The following TMC1 variants were observed in gnomAD, a reference collection of about 807,000 sequenced individuals.
The protein encoded by TMC1 is transmembrane channel like 1.
Under a neutral mutation model 105.8 loss-of-function variants are expected in TMC1, and 84 were observed. The ratio of observed to expected loss-of-function variants is 0.79; its 90% CI spans 0.67 to 0.95. The LOEUF (loss-of-function observed/expected upper bound fraction) is 0.95, where lower values mean the gene tolerates loss of function less well. Ranked by LOEUF, TMC1 falls within the 40% of genes least tolerant of loss-of-function variation. The pLI is 0.00. For missense variants in TMC1, 817 were observed against 914.1 expected, an observed-to-expected ratio of 0.89 and a Z score of 1.37; for synonymous variants, 315 against 311.5, an observed-to-expected ratio of 1.01 and a Z score of -0.12.
intron 6 of TMC1, among the ~76,000 whole-genome samples, chr9:72,690,651 A>C (rs1488762231): frequency 6.6e-6 from 1 of 152,086 alleles, no homozygotes; most frequent in African/African-American, 2.4e-5. Flanking sequence ...ATATCATCCT[A>C]CTTTCTTCTG....
At chr9:72,636,443 T>C (rs1825535283) in intron 4 of TMC1, among the ~76,000 whole-genome samples, 1 of 152,178 alleles carries the variant, frequency 6.6e-6, no homozygotes, top group African/African-American at 2.4e-5. Flanking sequence ...ATGCCTGTTA[T>C]CTCAGCACTT....
intron 1 of TMC1, among the ~76,000 whole-genome samples, chr9:72,552,215 C>T (rs1050789309): frequency 6.6e-6 from 1 of 152,090 alleles, no homozygotes; most frequent in African/African-American, 2.4e-5. Context: ...GTGATCTTGG[C>T]CTATTTACTT....
intron 11 of TMC1, among the ~76,000 whole-genome samples, chr9:72,752,596 G>A (rs986145833): frequency 6.6e-6 from 1 of 152,128 alleles, no homozygotes; most frequent in Admixed American, 6.5e-5. Flanking sequence ...AGGGTCAGCT[G>A]AGGCCAAAAA....
intron 4 of TMC1, among the ~76,000 whole-genome samples, chr9:72,630,397 T>C (rs1431416082): frequency 6.6e-6 from 1 of 152,308 alleles, no homozygotes; most frequent in East Asian, 1.9e-4. Context: ...GTTCAAAACT[T>C]TTGTAAACTA....
intron 5 of TMC1, among the ~76,000 whole-genome samples, chr9:72,677,161 C>G (rs1826216137): frequency 6.9e-6 from 1 of 145,390 alleles, no homozygotes; most frequent in South Asian, 2.2e-4. Context: ...CACACACACA[C>G]ACAGGAACTG....
chr9:72,815,040 G>T lies in TMC1; in HGVS notation c.1696-1103G>T, dbSNP rs950367116. The stretch of plus-strand genomic sequence containing the variant: ...GTGCTAGGAACCTGCCAATGTCTTG[G>T]TGTCTTTTTCGTGGTCTTCTTGGCC... On this transcript the variant is annotated intron_variant, in intron 18 of 23. Coordinates refer to ENST00000297784, the MANE Select transcript of TMC1 (RefSeq NM_138691.3). 4.9e-4 allele frequency among the ~76,000 whole-genome samples: 74 copies of T among 151,816 alleles called. 1 individual carries two copies. The highest frequency in any genetic ancestry group is 4.9e-3 in the Admixed American group (74 of 15,234).
intron 12 of TMC1, among the ~76,000 whole-genome samples, chr9:72,757,334 A>G (rs1279701695): frequency 6.6e-6 from 1 of 152,172 alleles, no homozygotes; most frequent in East Asian, 1.9e-4. Flanking sequence ...ATCTGAGACT[A>G]AGCTCGAGTG....
At position 72,827,003 on chromosome 9, in the gene TMC1, T is replaced by C. The variant is rs1828967662; in HGVS notation, c.2129+9T>C. On this transcript the variant is annotated intron_variant, in intron 21 of 23. Transcript: ENST00000297784. Reference sequence around the variant, plus strand: ...GTCATTTTGGTGATGGTGTATGTGCTTTTCCTCCTCATAGAAAGAGCCTCT... The same window carrying C: ...GTCATTTTGGTGATGGTGTATGTGCCTTTCCTCCTCATAGAAAGAGCCTCT... The C allele has an allele frequency of 6.2e-7, 1 of 1,613,750 alleles. No homozygotes were observed. Among genetic ancestry groups the C allele is most frequent in the Non-Finnish European group, 8.5e-7 (1 of 1,179,818 alleles).
Position 72,742,537 on chromosome 9 carries a change from T to A in TMC1, c.535+12T>A. 1 of 1,607,830 alleles carries A rather than the reference T, an allele frequency of 6.2e-7. No individual in the cohort carries two copies. The highest frequency in any genetic ancestry group is 1.1e-5 in the South Asian group (1 of 90,892). ...CAAGGCTATTGAAAGTAAGTCCTTATCAGATCTCAGGTGGAGAAGGTTGTC... is the reference window on the plus strand; with the variant it reads ...CAAGGCTATTGAAAGTAAGTCCTTAACAGATCTCAGGTGGAGAAGGTTGTC... On this transcript the variant is annotated intron_variant, in intron 10 of 23. Coordinates refer to ENST00000297784, the MANE Select transcript of TMC1 (RefSeq NM_138691.3).
At chr9:72,773,373 T>C (rs1208549929) in intron 13 of TMC1, among the ~76,000 whole-genome samples, 1 of 152,136 alleles carries the variant, frequency 6.6e-6, no homozygotes, top group East Asian at 1.9e-4. Flanking sequence ...CCTGAGGGTC[T>C]AAGAGGGGAA....
At chr9:72,522,158 T>TTTTTGTTTG (rs998781365) in intron 1 of TMC1, among the ~76,000 whole-genome samples, 46 of 151,800 alleles carry the variant, frequency 3.0e-4, no homozygotes, top group African/African-American at 9.4e-4. Flanking sequence ...TGATAAGTTT[T>TTTTTGTTTG]TTTTTTTTTG....
At position 72,835,915 on chromosome 9, in the gene TMC1, GTTT is replaced by G. The variant is rs754537281; in HGVS notation, c.2261-18_2261-16del. ...GTTCATCTTCTCTCTCTCTCTCCTT[GTTT>G]TTTTTTTTTTTTTTTTTCTGTTTTG... On this transcript the variant is annotated intron_variant, in intron 23 of 23. Transcript: ENST00000297784. 6.4e-3 allele frequency: 8,378 copies of G among 1,306,156 alleles called. 1 individual carries two copies. The highest frequency in any genetic ancestry group is 7.3e-3 in the Non-Finnish European group (7,072 of 972,602). The allele number at this position is 1,306,156 out of a possible 1,614,324, so 80.9% of individuals were successfully genotyped here. A position where few individuals can be genotyped will look rare whatever the true frequency, so the allele number is the denominator to read the frequency against.
intron 13 of TMC1, 96 bp from the exon 14 acceptor site, chr9:72,788,243 A>C: frequency 7.6e-7 from 1 of 1,317,056 alleles, no homozygotes; most frequent in South Asian, 1.2e-5. Context: ...TCTTTTTGCT[A>C]TTGCTTCTCC....
intron 3 of TMC1, among the ~76,000 whole-genome samples, chr9:72,626,104 C>G (rs544785155): frequency 6.5e-4 from 99 of 152,148 alleles, no homozygotes; most frequent in Non-Finnish European, 1.3e-3. Flanking sequence ...CAAGTCTTCC[C>G]AGCCCAGGAG....
chr9:72,791,941 T>C lies in TMC1; in HGVS notation c.1280T>C (p.Phe427Ser), dbSNP rs1392396283. ...GMFCPTLFDLFAELEDYHPLI... is the reference protein window; with the variant it reads ...GMFCPTLFDLSAELEDYHPLI... ...TTCTGTCCAACATTGTTTGACTTATTTGCTGAATTAGAAGACTACCATCCT... is the reference window on the plus strand; with the variant it reads ...TTCTGTCCAACATTGTTTGACTTATCTGCTGAATTAGAAGACTACCATCCT... Residue 427 changes from phenylalanine to serine, a missense_variant, in exon 16 of 24, where the codon TTT becomes TCT. Phe to Ser is a radical substitution (Grantham distance 155). Transcript: ENST00000297784. The C allele has an allele frequency of 6.2e-7, 1 of 1,613,920 alleles. No individual in the cohort carries two copies.
At chr9:72,683,753 ATATATATATATATATATATATG>A (rs1450925530) in intron 5 of TMC1, among the ~76,000 whole-genome samples, 1 of 120,032 alleles carries the variant, frequency 8.3e-6, no homozygotes, top group Non-Finnish European at 1.7e-5. Context: ...ATATATATAT[ATATATATATATATATATATATG>A]TTAAAAATAT....
chr9:72,533,183 A>G (rs1226596392), intron 1 of TMC1, among the ~76,000 whole-genome samples: 4 of 152,180 alleles, frequency 2.6e-5, no homozygotes, highest in Non-Finnish European at 2.9e-5. Flanking sequence ...TGCTTTGCCT[A>G]TGGGACACTG....
intron 2 of TMC1, among the ~76,000 whole-genome samples, chr9:72,591,178 G>A (rs778335707): frequency 2.0e-5 from 3 of 152,104 alleles, no homozygotes; most frequent in Non-Finnish European, 2.9e-5. Context: ...TAAGAAATGA[G>A]GCTATATCAA....
chr9:72,767,386 C>T (rs1422536898), intron 12 of TMC1, among the ~76,000 whole-genome samples: 2 of 152,120 alleles, frequency 1.3e-5, no homozygotes, highest in African/African-American at 4.8e-5. Context: ...TCTTGGTAAT[C>T]ATGAGAAACA....
Sources: allele counts gnomAD v4.1 joint callset (sites outside exome capture counted in the v4.1 genomes callset), GRCh38; gene constraint gnomAD v4.1.1; transcripts MANE v1.5; gene names NCBI Gene and HGNC (gene_info 2026-07-23, HGNC 2026-07-21).